Variants in CMSS1 observed in about 807,000 individuals in gnomAD.
CMSS1 encodes protein CMSS1.
In CMSS1, 33 loss-of-function variants were observed where a neutral mutation model predicts 43.5. That is an observed-to-expected ratio of 0.76 (90% CI 0.57 to 1.01). The LOEUF (loss-of-function observed/expected upper bound fraction) is 1.01. CMSS1 is among the 50% of genes least tolerant of loss of function. The pLI is 0.00. For synonymous variants in CMSS1, 115 were observed against 117.2 expected (o/e 0.98, Z 0.12); for missense variants, 313 against 326.4 (o/e 0.96, Z 0.32).
At chr3:100,028,213 A>T (rs183439078) in intron 1 of CMSS1, among the ~76,000 whole-genome samples, 1 of 152,298 alleles carries the variant, frequency 6.6e-6, no homozygotes, top group East Asian at 1.9e-4. Flanking sequence ...TCATTATCCC[A>T]GTTTTGCAGA....
At chr3:100,142,679 TA>T (rs1370217631) in intron 1 of CMSS1, among the ~76,000 whole-genome samples, 1 of 152,232 alleles carries the variant, frequency 6.6e-6, no homozygotes, top group African/African-American at 2.4e-5. Flanking sequence ...CATTGATTTT[TA>T]AACATTTATG....
intron 1 of CMSS1, among the ~76,000 whole-genome samples, chr3:100,015,569 T>C (rs1366483391): frequency 6.6e-6 from 1 of 152,232 alleles, no homozygotes; most frequent in Non-Finnish European, 1.5e-5. Flanking sequence ...CATTCTTGGT[T>C]TCAAGTTCAT....
chr3:100,157,271 G>T (rs891243028), intron 2 of CMSS1, among the ~76,000 whole-genome samples: 3 of 151,846 alleles, frequency 2.0e-5, no homozygotes, highest in Non-Finnish European at 4.4e-5. Context: ...CATTTTTACA[G>T]CATCTTGTTC....
At chr3:100,003,471 C>T (rs755353611) in intron 1 of CMSS1, among the ~76,000 whole-genome samples, 2 of 152,176 alleles carry the variant, frequency 1.3e-5, no homozygotes, top group African/African-American at 2.4e-5. Flanking sequence ...ATGATAGATG[C>T]GTTCACATGC....
At chr3:99,943,748 A>G (rs1707922348) in intron 1 of CMSS1, among the ~76,000 whole-genome samples, 1 of 152,154 alleles carries the variant, frequency 6.6e-6, no homozygotes, top group Admixed American at 6.5e-5. Flanking sequence ...GCTTCAGTCT[A>G]TTTTCTATAA....
At chr3:99,850,256 C>T in intron 1 of CMSS1, 1 of 1,613,840 alleles carries the variant, frequency 6.2e-7, no homozygotes, top group Non-Finnish European at 8.5e-7. Context: ...CTTTCAATGG[C>T]TTCTAGCTCT....
intron 1 of CMSS1, among the ~76,000 whole-genome samples, chr3:100,058,970 A>G (rs557639861): frequency 6.6e-6 from 1 of 152,384 alleles, no homozygotes; most frequent in African/African-American, 2.4e-5. Flanking sequence ...GTGCAAGTTC[A>G]GGAAAAGGTC....
chr3:99,841,278 G>A (rs931787452), intron 1 of CMSS1, among the ~76,000 whole-genome samples: 5 of 152,132 alleles, frequency 3.3e-5, no homozygotes, highest in African/African-American at 1.2e-4. Context: ...TTGTACCTTT[G>A]TTTCTTTCAA....
intron 1 of CMSS1, among the ~76,000 whole-genome samples, chr3:100,041,981 T>C (rs1465102813): frequency 6.6e-6 from 1 of 152,212 alleles, no homozygotes; most frequent in Non-Finnish European, 1.5e-5. Flanking sequence ...TTCCTTCCTC[T>C]TTCTTCAGCT....
At chr3:100,076,329 G>A (rs188161224) in intron 1 of CMSS1, among the ~76,000 whole-genome samples, 1 of 152,244 alleles carries the variant, frequency 6.6e-6, no homozygotes, top group East Asian at 1.9e-4. Flanking sequence ...CTGAAAGAAT[G>A]TTTAAAGCCA....
intron 1 of CMSS1, among the ~76,000 whole-genome samples, chr3:99,994,418 G>A (rs896772427): frequency 6.6e-6 from 1 of 152,176 alleles, no homozygotes; most frequent in Non-Finnish European, 1.5e-5. Context: ...ATTCTTACCA[G>A]TAACTACAGA....
intron 1 of CMSS1, among the ~76,000 whole-genome samples, chr3:99,951,636 C>T (rs1349954223): frequency 6.6e-6 from 1 of 152,182 alleles, no homozygotes; most frequent in Non-Finnish European, 1.5e-5. Flanking sequence ...CCACCTCCCC[C>T]ACCACATATA....
intron 9 of CMSS1, 42 bp downstream of exon 9, chr3:100,176,457 A>G (rs762585994): frequency 2.2e-6 from 3 of 1,336,078 alleles, no homozygotes; most frequent in Non-Finnish European, 3.2e-6. Flanking sequence ...TTTTTTCTCT[A>G]TTTGAACTTG....
At chr3:99,888,821 G>C (rs1705993472) in intron 1 of CMSS1, among the ~76,000 whole-genome samples, 1 of 152,066 alleles carries the variant, frequency 6.6e-6, no homozygotes, top group Non-Finnish European at 1.5e-5. Flanking sequence ...AAATAACTCT[G>C]CTAAGAACTT....
At chr3:100,139,490 T>TG (rs1418216081) in intron 1 of CMSS1, among the ~76,000 whole-genome samples, 1 of 150,104 alleles carries the variant, frequency 6.7e-6, no homozygotes. Context: ...GAGACCAGCC[T>TG]GGTCAACATG....
chr3:99,865,745 C>CTTT (rs1944479471), intron 1 of CMSS1, among the ~76,000 whole-genome samples: 1 of 151,278 alleles, frequency 6.6e-6, no homozygotes, highest in African/African-American at 2.4e-5. Flanking sequence ...ACTTCAAGGG[C>CTTT]ATAATAATAA....
intron 1 of CMSS1, among the ~76,000 whole-genome samples, chr3:99,840,214 G>A (rs962704990): frequency 5.6e-5 from 8 of 142,552 alleles, no homozygotes; most frequent in African/African-American, 1.0e-4. Flanking sequence ...AAATTAATTC[G>A]TAGAATCTTT....
At chr3:100,100,465 T>C (rs1201900763) in intron 1 of CMSS1, among the ~76,000 whole-genome samples, 3 of 152,142 alleles carry the variant, frequency 2.0e-5, no homozygotes, top group Non-Finnish European at 4.4e-5. Context: ...AGTGAGGCCA[T>C]ATGCATTTAA....
intron 1 of CMSS1, among the ~76,000 whole-genome samples, chr3:99,893,454 C>T (rs1223410368): frequency 6.6e-6 from 1 of 152,114 alleles, no homozygotes; most frequent in African/African-American, 2.4e-5. Context: ...CTTGAGCCAC[C>T]TCGCCCAGCC....
Sources: gnomAD v4.1 joint callset for allele counts (sites outside exome capture counted in the v4.1 genomes callset) on GRCh38, gnomAD v4.1.1 for gene constraint, MANE v1.5 for transcripts, NCBI Gene and HGNC (gene_info 2026-07-23, HGNC 2026-07-21) for gene names.